The following SERHL2 variants were observed in gnomAD, a reference collection of about 807,000 sequenced individuals.
SERHL2 encodes the protein serine hydrolase-like protein 2.
In SERHL2, 29 loss-of-function variants were observed where a neutral mutation model predicts 25.5. The ratio of observed to expected loss-of-function variants is 1.14; its 90% confidence interval spans 0.85 to 1.55. SERHL2 has a LOEUF of 1.55. Ranked by LOEUF, SERHL2 falls within the 40% of genes most tolerant of loss-of-function variation. The pLI is 0.00. For synonymous variants in SERHL2, 95 were observed against 103.5 expected, an observed-to-expected ratio of 0.92 and a Z score of 0.50; for missense variants, 240 against 252.3, an observed-to-expected ratio of 0.95 and a Z score of 0.33.
chr22:42,559,229 T>TAAA lies in SERHL2; in HGVS notation c.533+797_533+799dup, dbSNP rs1194822216. Among the ~76,000 whole-genome samples the TAAA allele has an allele frequency of 1.9e-3, 129 of 69,312 alleles. 5 individuals carry two copies. Among genetic ancestry groups the TAAA allele is most frequent in the African/African-American group, 3.6e-3 (40 of 10,982 alleles). 45.5% of individuals were successfully genotyped at this position (69,312 alleles called of 152,430 possible). A position where few individuals can be genotyped will look rare whatever the true frequency, so the allele number is the denominator to read the frequency against. ...GAGCGAGATAGCGAGACCCTGTATT[T>TAAA]AAAAAAAAAAAAAAAAAAAAAAAAA... On this transcript the variant is annotated intron_variant, in intron 7 of 11. Transcript: ENST00000327678.
At chr22:42,572,168 G>T (rs907390205) in intron 10 of SERHL2, among the ~76,000 whole-genome samples, 4 of 152,172 alleles carry the variant, frequency 2.6e-5, no homozygotes, top group African/African-American at 9.6e-5. Context: ...TGCTTTTCAG[G>T]GCTGACTGTG....
intron 9 of SERHL2, among the ~76,000 whole-genome samples, chr22:42,568,563 G>C (rs530163634): frequency 1.4e-4 from 21 of 152,092 alleles, no homozygotes; most frequent in African/African-American, 2.9e-4. Flanking sequence ...AAGGAAGATG[G>C]TTCCCAGGGA....
rs142211612 is a variant in SERHL2 at position 42,572,908 on chromosome 22, G to C, written c.825+379G>C. 315 of 188,774 alleles carry C rather than the reference G, an allele frequency of 1.7e-3. 2 individuals are homozygous for C. The highest frequency in any genetic ancestry group is 7.0e-3 in the African/African-American group (297 of 42,138). The allele number at this position is 188,774 out of a possible 1,614,324, so 11.7% of individuals were successfully genotyped here. On this transcript the variant is annotated intron_variant, in intron 11 of 11. Transcript: ENST00000327678. ...TGGTCTCAAACTCCTGACCTCAGGT[G>C]ATCCGCCCACCTTGGCCTCCCGAAG...
At chr22:42,559,787 G>T (rs1922445433) in intron 7 of SERHL2, among the ~76,000 whole-genome samples, 1 of 151,670 alleles carries the variant, frequency 6.6e-6, no homozygotes. Context: ...CCCTTTTGCT[G>T]CCCTTGTCTC....
At chr22:42,561,685 T>C (rs1922700548) in intron 8 of SERHL2, among the ~76,000 whole-genome samples, 1 of 151,798 alleles carries the variant, frequency 6.6e-6, no homozygotes, top group Non-Finnish European at 1.5e-5. Flanking sequence ...GTATTTTTAG[T>C]TGTCTTGAGT....
chr22:42,569,122 A>C (rs1487753801), intron 9 of SERHL2: 1 of 149,062 alleles, frequency 6.7e-6, no homozygotes, highest in African/African-American at 2.4e-5. Flanking sequence ...ACCTCAGGTG[A>C]TGTGAATTTT....
At chr22:42,566,393 T>A in intron 9 of SERHL2, 55 bp downstream of exon 9, 1 of 1,588,766 alleles carries the variant, frequency 6.3e-7, no homozygotes, top group Non-Finnish European at 8.6e-7. Flanking sequence ...AGCGTCTTTG[T>A]CGTTTTTGAA....
At position 42,572,525 on chromosome 22, in the gene SERHL2, AAG is replaced by A; in HGVS notation, c.824_825del (p.Glu275AlafsTer47). 1 of 1,611,886 alleles carries A rather than the reference AAG, an allele frequency of 6.2e-7. No homozygotes were observed. The highest frequency in any genetic ancestry group is 1.1e-5 in the South Asian group (1 of 91,004). On this transcript the variant is annotated frameshift_variant and splice_region_variant, in exon 11 of 12. Transcript: ENST00000327678. LOFTEE classifies it low-confidence loss of function (END_TRUNC). ...ATAGACACGATGAAATCCACCCTCA[AAG>A]AGGTAAGACGGGGCTCAGGCAGCTG...
chr22:42,566,335 C>A lies in SERHL2; in HGVS notation c.645C>A (p.Ala215=). The change falls in exon 9 of 12, where the codon GCC becomes GCA. Residue 215 remains alanine (A), a synonymous_variant. Transcript: ENST00000327678. ...GLVLNRDQRL[A]WAENSIDFIS... ...TTCTGAACAGAGACCAGAGGCTCGC[C>A]TGGGTGAGTACCACTGCCTCCGGGT... The A allele has an allele frequency of 6.2e-7, 1 of 1,611,968 alleles. No homozygotes were observed. Among genetic ancestry groups the A allele is most frequent in the Non-Finnish European group, 8.5e-7 (1 of 1,179,210 alleles).
chr22:42,574,375 T>A lies in SERHL2; in HGVS notation c.*320T>A. Reference sequence around the variant, plus strand: ...CTGGATGGAAAATAAAAGGTTCTTGTATTCTCACTGCTTTTGAGGCTTTTT... The same window carrying A: ...CTGGATGGAAAATAAAAGGTTCTTGAATTCTCACTGCTTTTGAGGCTTTTT... On this transcript the variant is annotated 3_prime_UTR_variant, in exon 12 of 12. Coordinates refer to ENST00000327678, the MANE Select transcript of SERHL2 (RefSeq NM_014509.5). The A allele has an allele frequency of 1.2e-5, 6 of 503,142 alleles. No individual in the cohort carries two copies. The South Asian group carries it at 1.4e-4, about 12-fold the overall frequency. 31.2% of individuals were successfully genotyped at this position (503,142 alleles called of 1,614,324 possible). A position where few individuals can be genotyped will look rare whatever the true frequency, so the allele number is the denominator to read the frequency against.
chr22:42,561,180 C>G (rs1922634907), intron 8 of SERHL2, among the ~76,000 whole-genome samples: 4 of 151,932 alleles, frequency 2.6e-5, no homozygotes, highest in African/African-American at 9.7e-5. Context: ...AGAAGAGACT[C>G]ATGGCGGGGC....
intron 10 of SERHL2, 42 bp downstream of exon 10, chr22:42,571,245 C>G: frequency 1.2e-6 from 2 of 1,608,060 alleles, no homozygotes; most frequent in South Asian, 2.2e-5. Flanking sequence ...GCCAAGGAGA[C>G]ATGGGCGCCA....
chr22:42,566,445 C>T (rs1923399040), intron 9 of SERHL2, 107 bp downstream of exon 9: 1 of 1,112,370 alleles, frequency 9.0e-7, no homozygotes, highest in Non-Finnish European at 1.3e-6. Flanking sequence ...GTAATCCCAG[C>T]TACTCAGGAG....
In SERHL2 at chr22:42,554,582, G is replaced by C. The variant is rs1028237032; in HGVS notation, c.23-356G>C. The stretch of plus-strand genomic sequence containing the variant: ...TCCGGTTTTACAGGAAAGGAAACAG[G>C]CTCAAGACGTTTTAGTAACTTCTCC... On this transcript the variant is annotated intron_variant, in intron 1 of 11. Coordinates refer to ENST00000327678, the MANE Select transcript of SERHL2 (RefSeq NM_014509.5). Among the ~76,000 whole-genome samples, 55 of 152,182 alleles carry C rather than the reference G, an allele frequency of 3.6e-4. 1 individual carries two copies. Among genetic ancestry groups the C allele is most frequent in the African/African-American group, 1.2e-3 (48 of 41,434 alleles).
intron 9 of SERHL2, chr22:42,569,649 T>G (rs1320296255): frequency 1.3e-5 from 2 of 151,932 alleles, no homozygotes; most frequent in African/African-American, 4.8e-5. Flanking sequence ...CCCAAAAAGC[T>G]TGGTCACACC....
At chr22:42,562,186 A>ACCC (rs1040972705) in intron 8 of SERHL2, among the ~76,000 whole-genome samples, 1 of 151,344 alleles carries the variant, frequency 6.6e-6, no homozygotes, top group African/African-American at 2.4e-5. Context: ...CCCAGCCAGA[A>ACCC]CCCCCCACCC....
At position 42,573,929 on chromosome 22, in the gene SERHL2, T is replaced by G. The variant is rs371834914; in HGVS notation, c.826-7T>G. 1.9e-3 allele frequency: 1,339 copies of G among 707,172 alleles called. 4 individuals are homozygous for G. The African/African-American group carries it at 0.027, about 14-fold the overall frequency. 43.8% of individuals were successfully genotyped at this position (707,172 alleles called of 1,614,324 possible). On this transcript the variant is annotated splice_polypyrimidine_tract_variant and splice_region_variant and intron_variant, in intron 11 of 11. Transcript: ENST00000327678. ...ACACCTCACCACCCACCCCCTCCCCTCTCCAGCAGTTCCAGTTTGTGGAAG... is the reference window on the plus strand; with the variant it reads ...ACACCTCACCACCCACCCCCTCCCCGCTCCAGCAGTTCCAGTTTGTGGAAG...
chr22:42,573,645 A>C, intron 11 of SERHL2: 2 of 409,860 alleles, frequency 4.9e-6, no homozygotes, highest in Non-Finnish European at 9.0e-6. Context: ...ACCTCTTCTG[A>C]TACAATCACA....
At chr22:42,571,494 C>G (rs776657189) in intron 10 of SERHL2, 3 of 1,230,320 alleles carry the variant, frequency 2.4e-6, no homozygotes, top group Admixed American at 6.7e-5. Flanking sequence ...AGCCCAGTCT[C>G]GGCTGACTGC....
Sources: allele counts gnomAD v4.1 joint callset (sites outside exome capture counted in the v4.1 genomes callset), GRCh38; gene constraint gnomAD v4.1.1; transcripts MANE v1.5; gene names NCBI Gene and HGNC (gene_info 2026-07-23, HGNC 2026-07-21).